Variants in ACSM2B observed in about 807,000 individuals in gnomAD.
ACSM2B encodes the protein acyl-CoA synthetase medium chain family member 2B.
In ACSM2B, 58 loss-of-function variants were observed where a neutral mutation model predicts 78.6. The ratio of observed to expected loss-of-function variants is 0.74; its 90% CI spans 0.60 to 0.92. ACSM2B has a LOEUF of 0.92. ACSM2B is among the 40% of genes least tolerant of loss of function. ACSM2B has a pLI of 0.00. For synonymous variants in ACSM2B, 257 were observed against 256.8 expected (o/e 1.00, Z -0.01); for missense variants, 688 against 711.2 (o/e 0.97, Z 0.37).
intron 3 of ACSM2B, among the ~76,000 whole-genome samples, chr16:20,558,865 C>T (rs1242708691): frequency 2.0e-5 from 3 of 152,196 alleles, no homozygotes; most frequent in African/African-American, 7.2e-5. Context: ...CAAAAACAAG[C>T]TGTGGGCAGG....
chr16:20,573,474 G>A (rs982177754), intron 1 of ACSM2B, among the ~76,000 whole-genome samples: 6 of 146,766 alleles, frequency 4.1e-5, no homozygotes, highest in African/African-American at 1.6e-4. Flanking sequence ...ACTGGGTGGG[G>A]AGGAAGTTGT....
rs202083656 is a variant in ACSM2B at position 20,537,333 on chromosome 16, A to T, written c.1659T>A (p.Thr553=). The part of the protein sequence containing the change: ...KIEFVLNLPK[T]VTGKIQRTKL... Reference sequence around the variant, plus strand: ...TGGTTCGTTGAATTTTCCCTGTGACAGTCTTGGGCAGGTTCAAGACAAACT... The same window carrying T: ...TGGTTCGTTGAATTTTCCCTGTGACTGTCTTGGGCAGGTTCAAGACAAACT... Residue 553 remains threonine (T), a synonymous_variant, in exon 14 of 14, where the codon ACT becomes ACA. Transcript: ENST00000329697. 4.8e-5 allele frequency: 77 copies of T among 1,614,052 alleles called. No individual in the cohort carries two copies. The East Asian group carries it at 1.5e-3, about 32-fold the overall frequency.
Position 20,537,083 on chromosome 16 carries a change from C to T in ACSM2B, c.*175G>A, listed in dbSNP as rs1309643010. ...CTTTTCACTCTCTCTCATTCCTTCC[C>T]TTTCTTATTTCAATATCTAACATAG... On this transcript the variant is annotated 3_prime_UTR_variant, in exon 14 of 14. Transcript: ENST00000329697. The T allele has an allele frequency of 1.8e-5, 13 of 724,542 alleles. No homozygotes were observed. In the East Asian group the frequency reaches 2.7e-4, roughly 15 times the overall value. The allele number at this position is 724,542 out of a possible 1,614,324, so 44.9% of individuals were successfully genotyped here. A position where few individuals can be genotyped will look rare whatever the true frequency, so the allele number is the denominator to read the frequency against.
At chr16:20,567,493 A>ATATATAAAAT (rs1567219331) in intron 1 of ACSM2B, among the ~76,000 whole-genome samples, 1 of 117,950 alleles carries the variant, frequency 8.5e-6, no homozygotes, top group East Asian at 2.3e-4. Flanking sequence ...ATATATAAAT[A>ATATATAAAAT]ATATATAAAA....
chr16:20,554,453 T>C (rs1294708417), intron 4 of ACSM2B, among the ~76,000 whole-genome samples: 3 of 152,206 alleles, frequency 2.0e-5, no homozygotes, highest in African/African-American at 7.2e-5. Flanking sequence ...CATGATGCTA[T>C]TTATTTCCAT....
At chr16:20,540,560 A>G in intron 13 of ACSM2B, 94 bp downstream of exon 13, 1 of 1,554,070 alleles carries the variant, frequency 6.4e-7, no homozygotes. Flanking sequence ...ACTTTTTAAA[A>G]TTAGAAGGCT....
intron 10 of ACSM2B, among the ~76,000 whole-genome samples, chr16:20,543,931 G>C (rs2015068143): frequency 6.6e-6 from 1 of 152,182 alleles, no homozygotes; most frequent in Non-Finnish European, 1.5e-5. Context: ...CTGATGATCA[G>C]AGACATCAAG....
intron 1 of ACSM2B, among the ~76,000 whole-genome samples, chr16:20,567,404 T>G (rs2015940273): frequency 8.4e-6 from 1 of 118,662 alleles, no homozygotes; most frequent in Non-Finnish European, 1.6e-5. Flanking sequence ...ATACAATATA[T>G]TATATAATAT....
intron 3 of ACSM2B, among the ~76,000 whole-genome samples, chr16:20,557,972 A>T (rs560108947): frequency 6.6e-6 from 1 of 152,290 alleles, no homozygotes; most frequent in Admixed American, 6.5e-5. Flanking sequence ...TTAAAACAAA[A>T]ATGATAATAG....
At chr16:20,554,016 G>A in intron 4 of ACSM2B, 96 bp from the exon 5 acceptor site, 8 of 1,535,166 alleles carry the variant, frequency 5.2e-6, no homozygotes, top group Non-Finnish European at 5.3e-6. Context: ...TGCTGAAAAG[G>A]GCAAGTTGAT....
intron 2 of ACSM2B, among the ~76,000 whole-genome samples, chr16:20,562,759 G>T (rs2015701972): frequency 6.6e-6 from 1 of 152,206 alleles, no homozygotes; most frequent in East Asian, 1.9e-4. Flanking sequence ...CTGCTTAGGA[G>T]TCATGTAACC....
At chr16:20,552,985 C>A (rs1486931144) in intron 5 of ACSM2B, among the ~76,000 whole-genome samples, 2 of 152,124 alleles carry the variant, frequency 1.3e-5, no homozygotes, top group Non-Finnish European at 2.9e-5. Context: ...AGACCACTAC[C>A]AAATTTTTTG....
intron 1 of ACSM2B, among the ~76,000 whole-genome samples, chr16:20,574,860 T>G (rs533957754): frequency 1.3e-4 from 19 of 146,562 alleles, no homozygotes; most frequent in Non-Finnish European, 1.5e-4. Flanking sequence ...CTTCTGAAGC[T>G]GGGAGATAGA....
chr16:20,555,187 C>A (rs1332794757), intron 4 of ACSM2B, 82 bp downstream of exon 4: 1 of 1,597,488 alleles, frequency 6.3e-7, no homozygotes, highest in Non-Finnish European at 8.5e-7. Flanking sequence ...CCTGCAACTC[C>A]TCAATAAAGC....
Position 20,537,310 on chromosome 16 carries a change from G to T in ACSM2B, c.1682C>A (p.Thr561Asn). The change falls in exon 14 of 14, where the codon ACC becomes AAC. Residue 561 changes from threonine (T) to asparagine (N), a missense_variant. By Grantham distance (65) the Thr-to-Asn change is moderately conservative (BLOSUM62 0). Coordinates refer to ENST00000329697, the MANE Select transcript of ACSM2B (RefSeq NM_001105069.2). ...PKTVTGKIQRTKLRDKEWKMS... is the reference protein window; with the variant it reads ...PKTVTGKIQRNKLRDKEWKMS... ...CTTCCACTCCTTGTCTCGAAGTTTG[G>T]TTCGTTGAATTTTCCCTGTGACAGT... The T allele has an allele frequency of 1.2e-6, 2 of 1,614,024 alleles. No homozygotes were observed. Among genetic ancestry groups the T allele is most frequent in the Non-Finnish European group, 1.7e-6 (2 of 1,179,918 alleles).
At chr16:20,547,730 T>C in intron 8 of ACSM2B, 1 of 1,077,286 alleles carries the variant, frequency 9.3e-7, no homozygotes, top group South Asian at 2.5e-5. Flanking sequence ...AGGAACTTTC[T>C]GACTACCATA....
At chr16:20,569,324 C>A (rs1301633842) in intron 1 of ACSM2B, among the ~76,000 whole-genome samples, 2 of 151,954 alleles carry the variant, frequency 1.3e-5, no homozygotes, top group Non-Finnish European at 1.5e-5. Context: ...ATAGAGTGTC[C>A]TTTCCCCACT....
intron 13 of ACSM2B, among the ~76,000 whole-genome samples, chr16:20,538,981 C>A (rs557594997): frequency 6.6e-6 from 1 of 152,092 alleles, no homozygotes; most frequent in Non-Finnish European, 1.5e-5. Flanking sequence ...AGACAGCTGT[C>A]TTGTCCAAGG....
chr16:20,555,671 G>A (rs186678225), intron 3 of ACSM2B, among the ~76,000 whole-genome samples, 195 bp from the exon 4 acceptor site: 5 of 152,216 alleles, frequency 3.3e-5, no homozygotes, highest in Admixed American at 2.0e-4. Flanking sequence ...GGTTGTCAGA[G>A]TCTTAAGGGC....
Sources: gnomAD v4.1 joint callset for allele counts (sites outside exome capture counted in the v4.1 genomes callset) on GRCh38, gnomAD v4.1.1 for gene constraint, MANE v1.5 for transcripts, NCBI Gene and HGNC (gene_info 2026-07-23, HGNC 2026-07-21) for gene names.